The following RGL1 variants were observed in gnomAD, a reference collection of about 807,000 sequenced individuals.
The protein encoded by RGL1 is ral guanine nucleotide dissociation stimulator-like 1.
A neutral mutation model predicts 95.2 loss-of-function variants in RGL1; 24 were observed. The observed-to-expected ratio is 0.25, with a 90% confidence interval of 0.18 to 0.35. RGL1 has a LOEUF of 0.35. RGL1 is among the 10% of genes least tolerant of loss of function. The probability of loss-of-function intolerance (pLI) is 1.00; values close to 1 mark genes in which losing one functional copy is unlikely to be tolerated. For missense variants in RGL1, 715 were observed against 936.3 expected (o/e 0.76, Z 3.08); for synonymous variants, 329 against 344.9 (o/e 0.95, Z 0.51).
intron 2 of RGL1, among the ~76,000 whole-genome samples, chr1:183,827,372 A>G (rs554562442): frequency 8.5e-5 from 13 of 152,330 alleles, no homozygotes; most frequent in South Asian, 8.3e-4. Flanking sequence ...AATTAACCCA[A>G]AGGTGTGGAG....
intron 2 of RGL1, among the ~76,000 whole-genome samples, chr1:183,811,712 G>A (rs1558221173): frequency 6.6e-6 from 1 of 152,144 alleles, no homozygotes; most frequent in African/African-American, 2.4e-5. Context: ...TGGGATCTGT[G>A]TTAGGAATAT....
At chr1:183,642,569 G>T (rs1019857938) in intron 1 of RGL1, among the ~76,000 whole-genome samples, 1 of 152,044 alleles carries the variant, frequency 6.6e-6, no homozygotes, top group Non-Finnish European at 1.5e-5. Flanking sequence ...CTTGAAATGC[G>T]CTGTAAATTA....
chr1:183,708,104 T>G (rs987936896), intron 1 of RGL1, among the ~76,000 whole-genome samples: 1 of 152,126 alleles, frequency 6.6e-6, no homozygotes, highest in Non-Finnish European at 1.5e-5. Flanking sequence ...ATGTAATTCG[T>G]ACTGTGGCCA....
chr1:183,708,812 A>C (rs1457617687), intron 1 of RGL1, among the ~76,000 whole-genome samples: 1 of 152,226 alleles, frequency 6.6e-6, no homozygotes, highest in Non-Finnish European at 1.5e-5. Flanking sequence ...CTGGAGGCTG[A>C]GGAGCTTCCT....
chr1:183,815,383 A>C (rs1572448702), intron 2 of RGL1, among the ~76,000 whole-genome samples: 1 of 152,360 alleles, frequency 6.6e-6, no homozygotes, highest in South Asian at 2.1e-4. Context: ...TGTGAAGCAC[A>C]GGGAAAAGAC....
At position 183,928,457 on chromosome 1, in the gene RGL1, T is replaced by C. The variant is rs1211214696; in HGVS notation, c.*2165T>C. ...GCATGCTTGTCTTTCTGCATCTCCA[T>C]CATCTGTTTACCTTTTGGTTAAACT... On this transcript the variant is annotated 3_prime_UTR_variant, in exon 18 of 18. Coordinates refer to ENST00000360851, the MANE Select transcript of RGL1 (RefSeq NM_001297671.3). 6.6e-6 allele frequency: 1 copy of C among 152,664 alleles called. No individual in the cohort carries two copies. The highest frequency in any genetic ancestry group is 2.4e-5 in the African/African-American group (1 of 41,454). 9.5% of individuals were successfully genotyped at this position (152,664 alleles called of 1,614,324 possible). A position where few individuals can be genotyped will look rare whatever the true frequency, so the allele number is the denominator to read the frequency against.
intron 2 of RGL1, among the ~76,000 whole-genome samples, chr1:183,779,748 C>T (rs1229795284): frequency 6.6e-6 from 1 of 151,846 alleles, no homozygotes; most frequent in Non-Finnish European, 1.5e-5. Flanking sequence ...CTTTAAAAAA[C>T]AAGGACTTGT....
At chr1:183,854,404 C>T (rs1233158735) in intron 3 of RGL1, among the ~76,000 whole-genome samples, 1 of 152,130 alleles carries the variant, frequency 6.6e-6, no homozygotes, top group Non-Finnish European at 1.5e-5. Context: ...ATAGTACCAC[C>T]GTGGGAACAG....
chr1:183,648,582 G>T (rs1332797705), intron 1 of RGL1: 1 of 1,614,070 alleles, frequency 6.2e-7, no homozygotes, highest in Non-Finnish European at 8.5e-7. Flanking sequence ...TTCATAAAAT[G>T]TGAGGTGTTT....
chr1:183,686,234 G>T (rs1299663245), intron 1 of RGL1, among the ~76,000 whole-genome samples: 1 of 152,080 alleles, frequency 6.6e-6, no homozygotes, highest in African/African-American at 2.4e-5. Context: ...TGTTCATGAT[G>T]CAAGTTCAGA....
chr1:183,913,638 T>A (rs1396436410), intron 15 of RGL1, among the ~76,000 whole-genome samples: 1 of 152,204 alleles, frequency 6.6e-6, no homozygotes, highest in Non-Finnish European at 1.5e-5. Context: ...TCTGGCTCCT[T>A]AGCTTATGGT....
At chr1:183,769,070 G>C (rs1396729232) in intron 2 of RGL1, among the ~76,000 whole-genome samples, 3 of 152,100 alleles carry the variant, frequency 2.0e-5, no homozygotes, top group Non-Finnish European at 4.4e-5. Context: ...ATTTCATTCA[G>C]TTTTTTCATT....
intron 1 of RGL1, among the ~76,000 whole-genome samples, chr1:183,654,054 T>C (rs1650966321): frequency 6.6e-6 from 1 of 152,198 alleles, no homozygotes; most frequent in African/African-American, 2.4e-5. Flanking sequence ...GCAGACATAC[T>C]CTAAAAATAA....
chr1:183,655,517 G>A (rs1443508893), intron 1 of RGL1, among the ~76,000 whole-genome samples: 1 of 152,194 alleles, frequency 6.6e-6, no homozygotes, highest in Non-Finnish European at 1.5e-5. Context: ...TTCAAGTAAA[G>A]ATCAGAAGAT....
intron 1 of RGL1, among the ~76,000 whole-genome samples, chr1:183,660,580 G>T (rs1572238736): frequency 6.6e-6 from 1 of 151,300 alleles, no homozygotes; most frequent in Admixed American, 6.6e-5. Flanking sequence ...GACCTACAAA[G>T]AGACTTAGAC....
At chr1:183,725,674 T>C (rs1321087915) in intron 1 of RGL1, among the ~76,000 whole-genome samples, 3 of 152,162 alleles carry the variant, frequency 2.0e-5, no homozygotes, top group Admixed American at 2.0e-4. Flanking sequence ...TCAAAATTCA[T>C]TAAGCACTTG....
Position 183,806,415 on chromosome 1 carries a change from C to G in RGL1, c.68C>G (p.Ala23Gly). Reference protein sequence around the residue: ...QDWGEEVEEGAVYHVTLKRVQ... With the variant: ...QDWGEEVEEGGVYHVTLKRVQ... ...TGGGGTGAAGAGGTAGAGGAAGGAG[C>G]TGTTTACCATGTCACCCTCAAAAGA... is the stretch of plus-strand genomic sequence containing the variant. Residue 23 changes from alanine (A) to glycine (G), a missense_variant, in exon 2 of 18, where the codon GCT becomes GGT. By Grantham distance (60) the Ala-to-Gly change is moderately conservative. Transcript: ENST00000360851. 1 of 1,614,048 alleles carries G rather than the reference C, an allele frequency of 6.2e-7. No homozygotes were observed. The highest frequency in any genetic ancestry group is 2.2e-5 in the East Asian group (1 of 44,874).
chr1:183,833,417 C>T (rs1300547226), intron 2 of RGL1, among the ~76,000 whole-genome samples: 1 of 152,152 alleles, frequency 6.6e-6, no homozygotes, highest in Non-Finnish European at 1.5e-5. Context: ...ACCTAGGATG[C>T]TGGTTAAAAT....
At chr1:183,921,821 G>A (rs868397323) in intron 16 of RGL1, among the ~76,000 whole-genome samples, 5 of 152,196 alleles carry the variant, frequency 3.3e-5, no homozygotes, top group Admixed American at 6.5e-5. Flanking sequence ...TTTTTATCCC[G>A]TGGGTTGTAA....
Sources: gnomAD v4.1 joint callset for allele counts (sites outside exome capture counted in the v4.1 genomes callset) on GRCh38, gnomAD v4.1.1 for gene constraint, MANE v1.5 for transcripts, NCBI Gene and HGNC (gene_info 2026-07-23, HGNC 2026-07-21) for gene names.